The following RB1 variants were observed in gnomAD, a reference collection of about 807,000 sequenced individuals.
The protein encoded by RB1 is retinoblastoma-associated protein.
RB1 carries 18 observed loss-of-function variants against 135.4 expected under a neutral mutation model. The ratio of observed to expected loss-of-function variants is 0.13; its 90% CI spans 0.09 to 0.20. The LOEUF (loss-of-function observed/expected upper bound fraction) is 0.20. RB1 is among the 10% of genes least tolerant of loss of function. The pLI is 1.00. For missense variants in RB1, 868 were observed against 1,110.0 expected (o/e 0.78, Z 3.10); for synonymous variants, 365 against 373.2 (o/e 0.98, Z 0.25).
At chr13:48,327,550 C>G (rs1952298744) in intron 2 of RB1, among the ~76,000 whole-genome samples, 1 of 152,124 alleles carries the variant, frequency 6.6e-6, no homozygotes, top group African/African-American at 2.4e-5. Flanking sequence ...TTTATGATGA[C>G]TTGAAAGAAA....
At chr13:48,406,307 C>A (rs1001164200) in intron 17 of RB1, among the ~76,000 whole-genome samples, 1 of 152,058 alleles carries the variant, frequency 6.6e-6, no homozygotes, top group Non-Finnish European at 1.5e-5. Context: ...TTCTCCATGA[C>A]GGCCACTGTC....
At chr13:48,466,389 A>T (rs1949444697) in intron 23 of RB1, among the ~76,000 whole-genome samples, 1 of 90,224 alleles carries the variant, frequency 1.1e-5, no homozygotes, top group Non-Finnish European at 2.4e-5. Flanking sequence ...AAGGACATCT[A>T]CACCGAAAAC....
chr13:48,379,148 C>A (rs951459213), intron 13 of RB1, among the ~76,000 whole-genome samples: 1 of 152,064 alleles, frequency 6.6e-6, no homozygotes, highest in Non-Finnish European at 1.5e-5. Flanking sequence ...ATATAAGGTA[C>A]ATAAAGTGCT....
intron 17 of RB1, among the ~76,000 whole-genome samples, chr13:48,397,669 A>G (rs909560250): frequency 3.3e-5 from 5 of 152,028 alleles, no homozygotes; most frequent in Admixed American, 1.3e-4. Flanking sequence ...TTTAAAATAT[A>G]TCTTTCAAAT....
chr13:48,437,751 A>G (rs1289304165), intron 17 of RB1, among the ~76,000 whole-genome samples: 2 of 152,170 alleles, frequency 1.3e-5, no homozygotes, highest in African/African-American at 4.8e-5. Flanking sequence ...GAAACTGCAG[A>G]TTTTTATAAA....
intron 6 of RB1, among the ~76,000 whole-genome samples, chr13:48,351,187 C>T (rs1952543484): frequency 6.6e-6 from 1 of 152,172 alleles, no homozygotes; most frequent in African/African-American, 2.4e-5. Context: ...AACTAATTTA[C>T]ACTCCCAACC....
At chr13:48,479,850 C>G in intron 26 of RB1, 148 bp from the exon 27 acceptor site, 3 of 684,178 alleles carry the variant, frequency 4.4e-6, no homozygotes, top group Non-Finnish European at 5.4e-6. Context: ...TAACTCCCTA[C>G]GGTACTGTCA....
intron 17 of RB1, among the ~76,000 whole-genome samples, chr13:48,447,755 C>G (rs1729198825): frequency 6.6e-6 from 1 of 152,104 alleles, no homozygotes; most frequent in Non-Finnish European, 1.5e-5. Context: ...TTCCCGTGAT[C>G]ATGACATACT....
At chr13:48,318,736 T>G in intron 2 of RB1, 1 of 652,852 alleles carries the variant, frequency 1.5e-6, no homozygotes, top group South Asian at 1.6e-5. Context: ...GGGTCCGGTG[T>G]TTTAGAGAGG....
rs1158560250 is a variant in RB1 at position 48,480,413 on chromosome 13, T to A, written c.*342T>A. ...GATAACCCAGGCCTGTCTGACTACT[T>A]TGCCTTCTTTTGTAGCATATAGGTG... On this transcript the variant is annotated 3_prime_UTR_variant, in exon 27 of 27. Transcript: ENST00000267163. The A allele has an allele frequency of 1.5e-5, 5 of 324,214 alleles. No homozygotes were observed. In the East Asian group the frequency reaches 2.4e-4, roughly 15 times the overall value. 20.1% of individuals were successfully genotyped at this position (324,214 alleles called of 1,614,324 possible).
chr13:48,368,425 A>G (rs1952725470), intron 10 of RB1, 102 bp from the exon 11 acceptor site: 2 of 1,445,224 alleles, frequency 1.4e-6, no homozygotes, highest in Non-Finnish European at 1.9e-6. Context: ...ATCATTTTAT[A>G]TGATTTTATG....
chr13:48,310,097 CTGTTGTAAA>C (rs1952119373), intron 2 of RB1, among the ~76,000 whole-genome samples: 1 of 152,150 alleles, frequency 6.6e-6, no homozygotes, highest in Non-Finnish European at 1.5e-5. Context: ...TCCTGTTGTC[CTGTTGTAAA>C]TCAACAGACT....
intron 8 of RB1, among the ~76,000 whole-genome samples, chr13:48,363,480 C>A (rs1030176816): frequency 6.6e-6 from 1 of 152,134 alleles, no homozygotes. Context: ...TTGCTTGAGC[C>A]CAGAAGTTTG....
intron 17 of RB1, among the ~76,000 whole-genome samples, chr13:48,440,751 A>G (rs888317129): frequency 6.6e-6 from 1 of 152,216 alleles, no homozygotes; most frequent in Non-Finnish European, 1.5e-5. Context: ...GACATCTCTT[A>G]TACTTGCTTA....
intron 2 of RB1, chr13:48,318,982 G>A (rs1355376953): frequency 3.9e-6 from 3 of 778,820 alleles, no homozygotes; most frequent in Admixed American, 1.8e-5. Context: ...GGGACCTGTT[G>A]CTGCCTTACA....
At chr13:48,466,617 G>C (rs758362201) in intron 23 of RB1, among the ~76,000 whole-genome samples, 1 of 150,060 alleles carries the variant, frequency 6.7e-6, no homozygotes, top group African/African-American at 2.4e-5. Context: ...TCTGAGCTAC[G>C]GGAGGACATT....
At chr13:48,388,500 C>T (rs1402207516) in intron 17 of RB1, among the ~76,000 whole-genome samples, 2 of 152,058 alleles carry the variant, frequency 1.3e-5, no homozygotes. Flanking sequence ...TTGGTGAGCA[C>T]TTCTTAAATT....
intron 24 of RB1, among the ~76,000 whole-genome samples, chr13:48,475,810 A>ACAC (rs1160584705): frequency 2.0e-5 from 3 of 152,186 alleles, no homozygotes; most frequent in Non-Finnish European, 4.4e-5. Context: ...CCAAATATTA[A>ACAC]AATGTGTGTT....
At chr13:48,382,594 G>C (rs998551836) in intron 17 of RB1, among the ~76,000 whole-genome samples, 3 of 152,120 alleles carry the variant, frequency 2.0e-5, no homozygotes, top group African/African-American at 7.2e-5. Flanking sequence ...CTGGATATTA[G>C]CCCTTTGTCA....
Sources: allele counts gnomAD v4.1 joint callset (sites outside exome capture counted in the v4.1 genomes callset), GRCh38; gene constraint gnomAD v4.1.1; transcripts MANE v1.5; gene names NCBI Gene and HGNC (gene_info 2026-07-23, HGNC 2026-07-21).